Variants in INSRR observed in about 807,000 individuals in gnomAD.
INSRR encodes the protein insulin receptor related receptor, also known as insulin receptor-related protein.
In INSRR, 114 loss-of-function variants were observed where a neutral mutation model predicts 130.0. The observed-to-expected ratio is 0.88, with a 90% CI of 0.75 to 1.02. INSRR has a LOEUF of 1.02. INSRR is among the 50% of genes least tolerant of loss of function. INSRR has a pLI of 0.00. For missense variants in INSRR, 1,657 were observed against 1,735.2 expected, an observed-to-expected ratio of 0.95 and a Z score of 0.80; for synonymous variants, 674 against 705.2, an observed-to-expected ratio of 0.96 and a Z score of 0.70.
Position 156,846,774 on chromosome 1 carries a change from A to AGAGCT in INSRR, c.1572-22_1572-18dup, listed in dbSNP as rs750996275. The AGAGCT allele has an allele frequency of 6.3e-7, 1 of 1,595,124 alleles. No individual in the cohort carries two copies. Among genetic ancestry groups the AGAGCT allele is most frequent in the Admixed American group, 1.7e-5 (1 of 59,990 alleles). ...TGGAATGGGCTGAACACCCATCCCC[A>AGAGCT]GAGCTGAGGGGTCATTCAACCCCAC... is the stretch of plus-strand genomic sequence containing the variant. On this transcript the variant is annotated splice_polypyrimidine_tract_variant and intron_variant, in intron 7 of 21. Transcript: ENST00000368195.
In INSRR at chr1:156,842,539, C is replaced by T; in HGVS notation, c.3127-31G>A. On this transcript the variant is annotated intron_variant, in intron 17 of 21. Transcript: ENST00000368195. ...ACAGACAAAGGGCCTAGCAGACCCC[C>T]TAGTTCCCCTTGACCCATTTGGCCA... 3 of 1,574,994 alleles carry T rather than the reference C, an allele frequency of 1.9e-6. No individual in the cohort carries two copies. In the South Asian group the frequency reaches 3.3e-5, roughly 17 times the overall value.
chr1:156,852,542 C>T lies in INSRR; in HGVS notation c.638-351G>A, dbSNP rs572921260. On this transcript the variant is annotated intron_variant, in intron 2 of 21. Coordinates refer to ENST00000368195, the MANE Select transcript of INSRR (RefSeq NM_014215.3). ...TGGCTGGGCATGGTGCCAGGGTGAG[C>T]GGGCCAGCCTCTCCTGAGCAGCTAG... Among the ~76,000 whole-genome samples, 187 of 152,320 alleles carry T rather than the reference C, an allele frequency of 1.2e-3. No homozygotes were observed. The Middle Eastern group carries it at 0.014, about 11-fold the overall frequency.
rs1038392020 is a variant in INSRR, at chr1:156,858,799, G to C, written c.-178C>G. On this transcript the variant is annotated 5_prime_UTR_variant, in exon 1 of 22. Coordinates refer to ENST00000368195, the MANE Select transcript of INSRR (RefSeq NM_014215.3). ...AGGAGACAGAAAAAAAGAAATGAGA[G>C]TCACAGAGACACAAAGACAGTGACA... The C allele has an allele frequency of 4.9e-6, 3 of 610,960 alleles. No homozygotes were observed. Among genetic ancestry groups the C allele is most frequent in the Non-Finnish European group, 2.9e-6 (1 of 341,404 alleles). 37.8% of individuals were successfully genotyped at this position (610,960 alleles called of 1,614,324 possible).
chr1:156,844,280 T>C lies in INSRR; in HGVS notation c.2738A>G (p.Glu913Gly), dbSNP rs756289726. ...DSVAFYILGP[E>G]EEDAGGLHVL... ...ATGCAGCCCCCCAGCATCCTCCTCC[T>C]CTGGCAGTCAGAGGGCAGCAGAGGG... is the stretch of plus-strand genomic sequence containing the variant. Residue 913 changes from glutamate (E) to glycine (G), a missense_variant and splice_region_variant, in exon 15 of 22, where the codon GAG becomes GGG. Physicochemically the swap from Glu to Gly is moderately conservative, Grantham distance 98 (BLOSUM62 -2). Coordinates refer to ENST00000368195, the MANE Select transcript of INSRR (RefSeq NM_014215.3). 1.9e-6 allele frequency: 3 copies of C among 1,611,830 alleles called. No homozygotes were observed. The highest frequency in any genetic ancestry group is 2.5e-6 in the Non-Finnish European group (3 of 1,178,436).
rs374733964 is a variant in INSRR, at chr1:156,845,074, A to G, written c.2437+2T>C. ...TAGAAGGTGTGTGTGTGGATCACCT[A>G]CTGTGGGGCATGGTGCGCGCAAAGA... On this transcript the variant is annotated splice_donor_variant, in intron 12 of 21. Transcript: ENST00000368195. LOFTEE classifies it high-confidence loss of function. The G allele has an allele frequency of 2.5e-6, 4 of 1,603,674 alleles. No homozygotes were observed. In the African/African-American group the frequency reaches 4.0e-5, roughly 16 times the overall value.
rs1230351343 is a variant in INSRR, at chr1:156,840,916, G to A, written c.3851C>T (p.Thr1284Ile). The A allele has an allele frequency of 6.2e-6, 10 of 1,614,084 alleles. No homozygotes were observed. Among genetic ancestry groups the A allele is most frequent in the Non-Finnish European group, 8.5e-6 (10 of 1,179,966 alleles). The change falls in exon 22 of 22, where the codon ACT becomes ATT. Residue 1284 changes from threonine (T) to isoleucine (I), a missense_variant. Thr to Ile is a moderately conservative substitution (Grantham distance 89). Transcript: ENST00000368195. ...TTDAEPDSSP[T>I]PRDCSPQNGG... ...ATTTTGAGGGCTGCAGTCTCTTGGAGTGGGTGAGGAGTCAGGCTCTGCATC... is the reference window on the plus strand; with the variant it reads ...ATTTTGAGGGCTGCAGTCTCTTGGAATGGGTGAGGAGTCAGGCTCTGCATC...
At chr1:156,856,084 C>T (rs1411367886) in intron 1 of INSRR, among the ~76,000 whole-genome samples, 4 of 152,034 alleles carry the variant, frequency 2.6e-5, no homozygotes, top group South Asian at 2.1e-4. Context: ...GATGGGATTA[C>T]AGGTATCAGC....
At chr1:156,841,218 G>C (rs963226936) in intron 21 of INSRR, 114 bp from the exon 22 acceptor site, 1 of 1,005,506 alleles carries the variant, frequency 9.9e-7, no homozygotes, top group Non-Finnish European at 1.5e-6. Flanking sequence ...TTATGCCTGG[G>C]AGGGTGAGAA....
chr1:156,852,159 C>G lies in INSRR; in HGVS notation c.670G>C (p.Ala224Pro). The G allele has an allele frequency of 6.2e-7, 1 of 1,606,596 alleles. No homozygotes were observed. Among genetic ancestry groups the G allele is most frequent in the East Asian group, 2.2e-5 (1 of 44,756 alleles). ...CPCPHGMACT[A>P]RGECCHTECL... ...TCGGTGTGGCAGCACTCGCCCCTCG[C>G]TGTGCAAGCCATCCCATGGGGGCAG... Residue 224 changes from alanine to proline, a missense_variant, in exon 3 of 22, where the codon GCG becomes CCG. By Grantham distance (27) the Ala-to-Pro change is conservative. Coordinates refer to ENST00000368195, the MANE Select transcript of INSRR (RefSeq NM_014215.3).
Position 156,844,762 on chromosome 1 carries a change from G to A in INSRR, c.2519C>T (p.Pro840Leu), listed in dbSNP as rs769553612. 1.9e-6 allele frequency: 3 copies of A among 1,614,156 alleles called. No individual in the cohort carries two copies. The South Asian group carries it at 3.3e-5, about 18-fold the overall frequency. ...CTTGAGGATGAGTCCGTTGGGGTCTGGTGGCTCGAGCCAGCGCAGAAGGAC... is the reference window on the plus strand; with the variant it reads ...CTTGAGGATGAGTCCGTTGGGGTCTAGTGGCTCGAGCCAGCGCAGAAGGAC... Reference protein sequence around the residue: ...NSVLLRWLEPPDPNGLILKYE... With the variant: ...NSVLLRWLEPLDPNGLILKYE... Residue 840 changes from proline to leucine, a missense_variant, in exon 13 of 22, where the codon CCA (proline) becomes CTA (leucine). Physicochemically the swap from Pro to Leu is moderately conservative, Grantham distance 98. Transcript: ENST00000368195.
chr1:156,854,298 G>C lies in INSRR; in HGVS notation c.91C>G (p.Pro31Ala). 1 of 1,608,840 alleles carries C rather than the reference G, an allele frequency of 6.2e-7. No homozygotes were observed. The highest frequency in any genetic ancestry group is 1.7e-5 in the Admixed American group (1 of 59,896). Residue 31 changes from proline (P) to alanine (A), a missense_variant, in exon 2 of 22, where the codon CCC becomes GCC. Physicochemically the swap from Pro to Ala is conservative, Grantham distance 27. Coordinates refer to ENST00000368195, the MANE Select transcript of INSRR (RefSeq NM_014215.3). This position sits in a 1 kb window ranked among gnomAD's most constrained non-coding sequence, Gnocchi z 4.2. Reference protein sequence around the residue: ...GFGLDTVEVCPSLDIRSEVAE... With the variant: ...GFGLDTVEVCASLDIRSEVAE... ...ACCTCTGAGCGAATATCCAGGCTGG[G>C]GCACACTGTGGGCATACACGGCACG...
In INSRR at chr1:156,840,697, T is replaced by C. The variant is rs763393436; in HGVS notation, c.*176A>G. 8 of 622,506 alleles carry C rather than the reference T, an allele frequency of 1.3e-5. No individual in the cohort carries two copies. The highest frequency in any genetic ancestry group is 2.8e-5 in the Admixed American group (1 of 35,334). 38.6% of individuals were successfully genotyped at this position (622,506 alleles called of 1,614,324 possible). On this transcript the variant is annotated 3_prime_UTR_variant, in exon 22 of 22. Transcript: ENST00000368195. ...AGGGACTCAGAGTCTGAGAAACTCC[T>C]ATGGTGAGACCCCTCTGCCCACCCC...
At position 156,846,670 on chromosome 1, in the gene INSRR, G is replaced by A; in HGVS notation, c.1659C>T (p.Ser553=). Residue 553 remains serine (S), a synonymous_variant, in exon 8 of 22, where the codon AGC becomes AGT. Coordinates refer to ENST00000368195, the MANE Select transcript of INSRR (RefSeq NM_014215.3). ...WNLLDVELPL[S]RTQEPGVTLA... ...GGGTCACCCCTGGCTCCTGGGTGCG[G>A]CTTAGGGGCAGCTCCACATCCAGCA... 2 of 1,614,186 alleles carry A rather than the reference G, an allele frequency of 1.2e-6. No homozygotes were observed. Among genetic ancestry groups the A allele is most frequent in the Non-Finnish European group, 1.7e-6 (2 of 1,180,042 alleles).
At chr1:156,856,162 T>C (rs1655400010) in intron 1 of INSRR, among the ~76,000 whole-genome samples, 1 of 152,176 alleles carries the variant, frequency 6.6e-6, no homozygotes, top group Admixed American at 6.5e-5. Flanking sequence ...AACATAGATA[T>C]TTATTTATAG....
At position 156,849,289 on chromosome 1, in the gene INSRR, G is replaced by A. The variant is rs1440561323; in HGVS notation, c.1401C>T (p.Asn467=). ...TGGTGCGGGGGTTGATCTCAGCCTTGTTCTGCCGACCTCGCGTGCCTGTCA... is the reference window on the plus strand; with the variant it reads ...TGGTGCGGGGGTTGATCTCAGCCTTATTCTGCCGACCTCGCGTGCCTGTCA... ...EEVTGTRGRQ[N]KAEINPRTNG... is the part of the protein sequence containing the mutation. Residue 467 remains asparagine, a synonymous_variant, in exon 6 of 22, where the codon AAC becomes AAT. Coordinates refer to ENST00000368195, the MANE Select transcript of INSRR (RefSeq NM_014215.3). The A allele has an allele frequency of 2.5e-6, 4 of 1,613,852 alleles. No individual in the cohort carries two copies. The highest frequency in any genetic ancestry group is 3.4e-6 in the Non-Finnish European group (4 of 1,180,028).
In INSRR at chr1:156,846,762, A is replaced by G; in HGVS notation, c.1572-5T>C. On this transcript the variant is annotated splice_region_variant and splice_polypyrimidine_tract_variant and intron_variant, in intron 7 of 21. Transcript: ENST00000368195. The stretch of plus-strand genomic sequence containing the variant: ...TCTGTGGCGTTCTGGAATGGGCTGA[A>G]CACCCATCCCCAGAGCTGAGGGGTC... 1.2e-6 allele frequency: 2 copies of G among 1,610,924 alleles called. No individual in the cohort carries two copies. Among genetic ancestry groups the G allele is most frequent in the Non-Finnish European group, 8.5e-7 (1 of 1,177,314 alleles).
At chr1:156,856,068 CA>C (rs1304184337) in intron 1 of INSRR, among the ~76,000 whole-genome samples, 4 of 151,982 alleles carry the variant, frequency 2.6e-5, no homozygotes, top group African/African-American at 9.7e-5. Flanking sequence ...CTCGGCCTCC[CA>C]AAGTGATGGG....
At chr1:156,846,822 T>C in intron 7 of INSRR, 65 bp from the exon 8 acceptor site, 1 of 1,279,300 alleles carries the variant, frequency 7.8e-7, no homozygotes, top group Non-Finnish European at 1.1e-6. Context: ...GCACCCCCGC[T>C]CTGAATCACC....
intron 6 of INSRR, 91 bp from the exon 7 acceptor site, chr1:156,849,138 C>T (rs1268690917): frequency 1.9e-6 from 3 of 1,598,982 alleles, no homozygotes; most frequent in South Asian, 2.2e-5. Flanking sequence ...CCAGTGAGAC[C>T]TCTGAGGAGA....
Sources: gnomAD v4.1 joint callset for allele counts (sites outside exome capture counted in the v4.1 genomes callset) on GRCh38, gnomAD v4.1.1 for gene constraint, Gnocchi (gnomAD v3.1) non-coding constraint, MANE v1.5 for transcripts, NCBI Gene and HGNC (gene_info 2026-07-23, HGNC 2026-07-21) for gene names.